CLDN10: variants seen among roughly 807,000 people sequenced by gnomAD.
CLDN10 encodes claudin-10.
Under a neutral mutation model 22.9 loss-of-function variants are expected in CLDN10, and 15 were observed. That is an observed-to-expected ratio of 0.65 (90% CI 0.44 to 1.01). CLDN10 has a LOEUF of 1.01. Among genes scored for constraint, CLDN10 ranks in the 50% least tolerant of loss-of-function variants. CLDN10 has a pLI of 0.00. For missense variants in CLDN10, 247 were observed against 287.8 expected (o/e 0.86, Z 1.03); for synonymous variants, 114 against 111.4 (o/e 1.02, Z -0.15).
At chr13:95,482,803 C>A (rs1415400496) in intron 1 of CLDN10, among the ~76,000 whole-genome samples, 1 of 151,916 alleles carries the variant, frequency 6.6e-6, no homozygotes, top group East Asian at 1.9e-4. Flanking sequence ...ATGGTGAAAC[C>A]CCCATCTCTA....
chr13:95,438,057 T>C (rs937266862), intron 1 of CLDN10, among the ~76,000 whole-genome samples: 1 of 152,176 alleles, frequency 6.6e-6, no homozygotes, highest in Non-Finnish European at 1.5e-5. Context: ...CTTCTGTTTT[T>C]AATTTTTGTT....
At chr13:95,507,742 G>A (rs2043053379) in intron 1 of CLDN10, among the ~76,000 whole-genome samples, 1 of 151,936 alleles carries the variant, frequency 6.6e-6, no homozygotes, top group Non-Finnish European at 1.5e-5. Flanking sequence ...TCCTGCCTCA[G>A]CCTCCTGAGT....
At chr13:95,548,132 G>A (rs1022788218), upstream of CLDN10, among the ~76,000 whole-genome samples, 2 of 152,202 alleles carry the variant, frequency 1.3e-5, no homozygotes, top group African/African-American at 4.8e-5. Flanking sequence ...CCCGACCTGG[G>A]TGGGAGGTTA....
At chr13:95,475,786 ATCTC>A (rs142207612) in intron 1 of CLDN10, among the ~76,000 whole-genome samples, 1 of 121,726 alleles carries the variant, frequency 8.2e-6, no homozygotes, top group Non-Finnish European at 2.0e-5. Context: ...GGGTCCCTGC[ATCTC>A]TCTCTCTCTC....
intron 1 of CLDN10, among the ~76,000 whole-genome samples, chr13:95,477,757 T>C (rs80349010): frequency 0.12 from 17,569 of 152,082 alleles, 1,132 homozygotes; most frequent in South Asian, 0.22. Flanking sequence ...CACCCCAGAC[T>C]GAACGAATCT....
intron 1 of CLDN10, among the ~76,000 whole-genome samples, chr13:95,435,782 T>G (rs2042263527): frequency 6.6e-6 from 1 of 152,030 alleles, no homozygotes; most frequent in African/African-American, 2.4e-5. Context: ...ATATGGTAAG[T>G]CTGTTTGTTT....
At chr13:95,526,787 CAAAT>C (rs71113945) in intron 1 of CLDN10, among the ~76,000 whole-genome samples, 126 of 149,816 alleles carry the variant, frequency 8.4e-4, no homozygotes, top group South Asian at 1.5e-3. Context: ...AATTCCATCT[CAAAT>C]AAATAAATAA....
chr13:95,577,577 A>G (rs1365376908), intron 4 of CLDN10, among the ~76,000 whole-genome samples: 2 of 152,240 alleles, frequency 1.3e-5, no homozygotes, highest in Non-Finnish European at 2.9e-5. Context: ...TGGCCTCATC[A>G]TAATTTTCCT....
chr13:95,517,402 A>C (rs1397902490), intron 1 of CLDN10, among the ~76,000 whole-genome samples: 4 of 152,166 alleles, frequency 2.6e-5, no homozygotes, highest in African/African-American at 4.8e-5. Flanking sequence ...AGAAGGGTGC[A>C]ATCCAGGAAG....
intron 3 of CLDN10, among the ~76,000 whole-genome samples, chr13:95,568,220 TAGG>T (rs2043809811): frequency 6.6e-6 from 1 of 152,228 alleles, no homozygotes; most frequent in African/African-American, 2.4e-5. Flanking sequence ...TATTCTCAGA[TAGG>T]AGATTCCAGA....
intron 1 of CLDN10, among the ~76,000 whole-genome samples, chr13:95,525,313 A>G (rs1248411113): frequency 6.6e-6 from 1 of 152,156 alleles, no homozygotes; most frequent in Non-Finnish European, 1.5e-5. Flanking sequence ...ATGTCTATTC[A>G]AGTCCTTTGT....
chr13:95,448,364 C>G (rs1000339185), intron 1 of CLDN10, among the ~76,000 whole-genome samples: 3 of 152,184 alleles, frequency 2.0e-5, no homozygotes, highest in African/African-American at 7.2e-5. Flanking sequence ...AGGCACCCCA[C>G]ACACATATAC....
intron 1 of CLDN10, among the ~76,000 whole-genome samples, chr13:95,523,048 A>G (rs1395596816): frequency 3.3e-5 from 5 of 151,950 alleles, no homozygotes; most frequent in African/African-American, 1.2e-4. Flanking sequence ...TACATCTAAT[A>G]TATTTATGAT....
intron 1 of CLDN10, among the ~76,000 whole-genome samples, chr13:95,559,539 A>AC (rs986143107): frequency 7.2e-5 from 11 of 152,090 alleles, no homozygotes; most frequent in Middle Eastern, 3.4e-3. Flanking sequence ...ATTCCCTTAG[A>AC]CCCCCCATGG....
At chr13:95,538,816 T>C (rs2043428482) in intron 1 of CLDN10, among the ~76,000 whole-genome samples, 1 of 152,214 alleles carries the variant, frequency 6.6e-6, no homozygotes, top group Admixed American at 6.5e-5. Context: ...ATTCCATTCC[T>C]GTAGACTCCA....
intron 1 of CLDN10, among the ~76,000 whole-genome samples, chr13:95,464,993 C>G (rs1308394300): frequency 6.6e-6 from 1 of 152,140 alleles, no homozygotes; most frequent in African/African-American, 2.4e-5. Context: ...TCCCAAAGTG[C>G]TAGGGTAACA....
chr13:95,444,598 T>C (rs2042354585), intron 1 of CLDN10, among the ~76,000 whole-genome samples: 1 of 152,210 alleles, frequency 6.6e-6, no homozygotes, highest in African/African-American at 2.4e-5. Flanking sequence ...AGCTGAGGCT[T>C]GAACTGTCTT....
At chr13:95,571,848 A>G (rs933657495) in intron 3 of CLDN10, among the ~76,000 whole-genome samples, 4 of 152,186 alleles carry the variant, frequency 2.6e-5, no homozygotes, top group African/African-American at 9.7e-5. Flanking sequence ...AAAAAAACCT[A>G]TGTAGTTATT....
intron 1 of CLDN10, among the ~76,000 whole-genome samples, chr13:95,509,023 G>A (rs929358794): frequency 6.6e-6 from 1 of 152,168 alleles, no homozygotes; most frequent in African/African-American, 2.4e-5. Context: ...GCAGAGACTG[G>A]AGGATGGTGA....
Sources: gnomAD v4.1 joint callset for allele counts (sites outside exome capture counted in the v4.1 genomes callset) on GRCh38, gnomAD v4.1.1 for gene constraint, MANE v1.5 for transcripts, NCBI Gene and HGNC (gene_info 2026-07-23, HGNC 2026-07-21) for gene names.